Variants in CPNE8 observed in about 807,000 individuals in gnomAD.
The protein encoded by CPNE8 is copine-8.
CPNE8 carries 45 observed loss-of-function variants against 81.5 expected under a neutral mutation model. The ratio of observed to expected loss-of-function variants is 0.55; its 90% CI spans 0.44 to 0.71. The LOEUF (loss-of-function observed/expected upper bound fraction) is 0.71, where lower values mean the gene tolerates loss of function less well. Ranked by LOEUF, CPNE8 falls within the 30% of genes least tolerant of loss-of-function variation. The pLI, the probability that CPNE8 is intolerant of heterozygous loss-of-function variation, is 0.00. For synonymous variants in CPNE8, 252 were observed against 226.3 expected (o/e 1.11, Z -1.02); for missense variants, 594 against 672.1 (o/e 0.88, Z 1.28).
At chr12:38,657,167 C>T (rs1434784840) in intron 19 of CPNE8, among the ~76,000 whole-genome samples, 4 of 152,144 alleles carry the variant, frequency 2.6e-5, no homozygotes, top group Non-Finnish European at 4.4e-5. Flanking sequence ...AGGGGACACT[C>T]CTGCCCAAAT....
At chr12:38,690,064 T>C (rs553820000) in intron 15 of CPNE8, among the ~76,000 whole-genome samples, 85 of 152,294 alleles carry the variant, frequency 5.6e-4, no homozygotes, top group Middle Eastern at 3.4e-3. Context: ...CCAAAACTTA[T>C]ACACTGGGGG....
At chr12:38,671,889 G>T (rs953600576) in intron 18 of CPNE8, among the ~76,000 whole-genome samples, 5 of 152,004 alleles carry the variant, frequency 3.3e-5, no homozygotes, top group African/African-American at 4.8e-5. Context: ...ATTTGTCAAG[G>T]TGTACAATAT....
chr12:38,802,877 A>T (rs2136963900), intron 6 of CPNE8, among the ~76,000 whole-genome samples: 1 of 147,648 alleles, frequency 6.8e-6, no homozygotes, highest in East Asian at 2.1e-4. Flanking sequence ...TACTACAAAC[A>T]CCTCTACGCA....
chr12:38,783,608 T>G (rs2136910072), intron 6 of CPNE8, among the ~76,000 whole-genome samples: 1 of 152,262 alleles, frequency 6.6e-6, no homozygotes, highest in Middle Eastern at 3.4e-3. Context: ...ACAGTCCTAG[T>G]GATGATAGCC....
chr12:38,795,323 T>A (rs533157812), intron 6 of CPNE8, among the ~76,000 whole-genome samples: 9 of 152,204 alleles, frequency 5.9e-5, no homozygotes, highest in African/African-American at 9.6e-5. Flanking sequence ...TGGACTTCCC[T>A]TAAAAAATTA....
chr12:38,755,080 C>A (rs574641360), intron 10 of CPNE8, among the ~76,000 whole-genome samples: 2 of 152,166 alleles, frequency 1.3e-5, no homozygotes, highest in South Asian at 2.1e-4. Flanking sequence ...AATGCATAAT[C>A]CCAGAATGAA....
intron 3 of CPNE8, among the ~76,000 whole-genome samples, chr12:38,856,281 A>C (rs1943732913): frequency 6.6e-6 from 1 of 152,184 alleles, no homozygotes; most frequent in Admixed American, 6.5e-5. Context: ...GAACATTTAA[A>C]CAAGAAGCAA....
intron 6 of CPNE8, among the ~76,000 whole-genome samples, chr12:38,783,267 A>C (rs1942095279): frequency 6.6e-6 from 1 of 152,176 alleles, no homozygotes; most frequent in South Asian, 2.1e-4. Flanking sequence ...TCTATATTTT[A>C]ACAACTATCT....
chr12:38,669,051 CA>C (rs34724194), intron 19 of CPNE8, among the ~76,000 whole-genome samples: 109,810 of 148,752 alleles, frequency 0.74, 45,951 homozygotes, highest in Non-Finnish European at 0.94. Flanking sequence ...GACTCTGCCT[CA>C]AAAAAAAAAA....
At chr12:38,819,636 G>A (rs1254410838) in intron 6 of CPNE8, among the ~76,000 whole-genome samples, 7 of 151,680 alleles carry the variant, frequency 4.6e-5, no homozygotes, top group Admixed American at 1.3e-4. Context: ...GCGTGATGGC[G>A]GGCGCCTGTA....
At chr12:38,833,696 T>C (rs1006013910) in intron 5 of CPNE8, among the ~76,000 whole-genome samples, 2 of 151,988 alleles carry the variant, frequency 1.3e-5, no homozygotes, top group African/African-American at 4.8e-5. Flanking sequence ...GCCAGGATGG[T>C]CTCGATCTCC....
intron 3 of CPNE8, among the ~76,000 whole-genome samples, chr12:38,859,431 GA>G (rs1321721548): frequency 6.6e-6 from 1 of 151,946 alleles, no homozygotes; most frequent in Non-Finnish European, 1.5e-5. Flanking sequence ...AAATAAATAA[GA>G]AAGACAAAAA....
chr12:38,720,520 AC>A (rs1940534746), intron 13 of CPNE8: 1 of 152,222 alleles, frequency 6.6e-6, no homozygotes, highest in Non-Finnish European at 1.5e-5. Context: ...AAAAAACAAG[AC>A]AAAAACTGAA....
At chr12:38,728,762 A>G (rs1940764188) in intron 11 of CPNE8, among the ~76,000 whole-genome samples, 1 of 152,144 alleles carries the variant, frequency 6.6e-6, no homozygotes, top group African/African-American at 2.4e-5. Context: ...TCCCTTGCAC[A>G]AGTGCAGATA....
intron 7 of CPNE8, 49 bp downstream of exon 7, chr12:38,776,189 G>T (rs1009073642): frequency 4.4e-6 from 4 of 918,072 alleles, no homozygotes; most frequent in Non-Finnish European, 6.6e-6. Context: ...TTTAGATATA[G>T]CATTTGAAGT....
chr12:38,823,801 A>T (rs963589806), intron 6 of CPNE8, among the ~76,000 whole-genome samples: 5 of 152,182 alleles, frequency 3.3e-5, no homozygotes, highest in Non-Finnish European at 7.4e-5. Context: ...GCTTTGCCGA[A>T]TCCATCACTG....
chr12:38,826,380 G>T (rs1943191643), intron 6 of CPNE8, among the ~76,000 whole-genome samples: 1 of 152,152 alleles, frequency 6.6e-6, no homozygotes, highest in African/African-American at 2.4e-5. Flanking sequence ...ACAGCATGTG[G>T]TTACTGTAGA....
At chr12:38,869,584 C>A (rs1943961371) in intron 3 of CPNE8, among the ~76,000 whole-genome samples, 1 of 152,182 alleles carries the variant, frequency 6.6e-6, no homozygotes, top group African/African-American at 2.4e-5. Context: ...CATTATCCAG[C>A]AAGTTCAATT....
intron 14 of CPNE8, among the ~76,000 whole-genome samples, chr12:38,694,303 C>A (rs2136674473): frequency 6.6e-6 from 1 of 152,158 alleles, no homozygotes; most frequent in African/African-American, 2.4e-5. Flanking sequence ...CAATTTAGCA[C>A]TTAAAAAAGG....
Sources: allele counts gnomAD v4.1 joint callset (sites outside exome capture counted in the v4.1 genomes callset), GRCh38; gene constraint gnomAD v4.1.1; transcripts MANE v1.5; gene names NCBI Gene and HGNC (gene_info 2026-07-23, HGNC 2026-07-21).